The following CDH13 variants were observed in gnomAD, a reference collection of about 807,000 sequenced individuals.
The protein encoded by CDH13 is cadherin-13.
In CDH13, 24 loss-of-function variants were observed where a neutral mutation model predicts 63.8. The ratio of observed to expected loss-of-function variants is 0.38; its 90% confidence interval spans 0.27 to 0.53. The LOEUF (loss-of-function observed/expected upper bound fraction) is 0.53, where lower values mean the gene tolerates loss of function less well. CDH13 is among the 20% of genes least tolerant of loss of function. The pLI is 0.85. For missense variants in CDH13, 1,049 were observed against 903.1 expected (o/e 1.16, Z -2.07); for synonymous variants, 503 against 355.3 (o/e 1.42, Z -4.67).
chr16:83,451,667 A>G (rs1213445257), intron 6 of CDH13, among the ~76,000 whole-genome samples: 1 of 152,096 alleles, frequency 6.6e-6, no homozygotes, highest in Non-Finnish European at 1.5e-5. Context: ...ACTGGTATGC[A>G]CCACCATGTG....
intron 1 of CDH13, among the ~76,000 whole-genome samples, chr16:82,643,835 T>C (rs1371061480): frequency 6.6e-6 from 1 of 151,998 alleles, no homozygotes; most frequent in Non-Finnish European, 1.5e-5. Context: ...CTTGACCACC[T>C]GAGCTCAAGC....
chr16:83,429,120 G>A (rs1418639228), intron 6 of CDH13, among the ~76,000 whole-genome samples: 3 of 152,200 alleles, frequency 2.0e-5, no homozygotes, highest in Non-Finnish European at 4.4e-5. Context: ...CAGTGGGAGA[G>A]GATATTGCAG....
chr16:83,310,619 T>C (rs1482765156), intron 5 of CDH13, among the ~76,000 whole-genome samples: 1 of 152,238 alleles, frequency 6.6e-6, no homozygotes. Flanking sequence ...TTTCTGCCTT[T>C]GCTCACTTGG....
intron 8 of CDH13, among the ~76,000 whole-genome samples, chr16:83,632,976 C>G (rs553105304): frequency 1.3e-5 from 2 of 152,002 alleles, no homozygotes; most frequent in South Asian, 2.1e-4. Context: ...CATTTGTAAA[C>G]TGTCATGGCA....
At chr16:82,874,634 A>G (rs2040446344) in intron 2 of CDH13, among the ~76,000 whole-genome samples, 1 of 152,166 alleles carries the variant, frequency 6.6e-6, no homozygotes, top group African/African-American at 2.4e-5. Context: ...TCCATAGAGG[A>G]AGGGGGGATT....
chr16:82,997,415 G>A (rs536258190), intron 2 of CDH13, among the ~76,000 whole-genome samples: 7 of 152,002 alleles, frequency 4.6e-5, no homozygotes, highest in Admixed American at 2.6e-4. Context: ...AAAGGGATAC[G>A]AAAAATCTCA....
At chr16:82,726,012 A>T in intron 1 of CDH13, among the ~76,000 whole-genome samples, 1 of 152,288 alleles carries the variant, frequency 6.6e-6, no homozygotes, top group East Asian at 1.9e-4. Context: ...CCATTCAAGC[A>T]GTCCGTGATG....
At chr16:83,458,408 A>G (rs1256217279) in intron 6 of CDH13, among the ~76,000 whole-genome samples, 2 of 152,220 alleles carry the variant, frequency 1.3e-5, no homozygotes, top group Admixed American at 6.5e-5. Context: ...CATCATCGCC[A>G]TTAACAACTG....
intron 4 of CDH13, among the ~76,000 whole-genome samples, chr16:83,142,160 G>GTTTTTTT (rs11445521): frequency 9.8e-4 from 118 of 120,316 alleles, no homozygotes; most frequent in East Asian, 4.9e-3. Flanking sequence ...GTTTGTTTTT[G>GTTTTTTT]TTTTTTTTTT....
At chr16:82,759,542 AT>A (rs1312848947) in intron 1 of CDH13, among the ~76,000 whole-genome samples, 1 of 150,288 alleles carries the variant, frequency 6.7e-6, no homozygotes. Flanking sequence ...ACATATATGT[AT>A]ATGTATAATA....
chr16:83,251,227 T>C (rs1422333102), intron 5 of CDH13, among the ~76,000 whole-genome samples: 3 of 152,206 alleles, frequency 2.0e-5, no homozygotes, highest in African/African-American at 7.2e-5. Flanking sequence ...CACTATTTCT[T>C]ACAACTGTGT....
At chr16:83,334,361 T>TCTCTCACACACACACACACACA (rs1272779883) in intron 5 of CDH13, among the ~76,000 whole-genome samples, 3 of 85,594 alleles carry the variant, frequency 3.5e-5, no homozygotes, top group African/African-American at 1.5e-4. Flanking sequence ...TCTCTCTCTC[T>TCTCTCACACACACACACACACA]CACACACACA....
chr16:83,749,131 C>A (rs1426331903), intron 11 of CDH13, among the ~76,000 whole-genome samples: 1 of 152,192 alleles, frequency 6.6e-6, no homozygotes, highest in African/African-American at 2.4e-5. Flanking sequence ...GTTTTGTTCT[C>A]CCTATTATTC....
chr16:83,381,387 A>G (rs1385818666), intron 6 of CDH13, among the ~76,000 whole-genome samples: 1 of 151,668 alleles, frequency 6.6e-6, no homozygotes, highest in Non-Finnish European at 1.5e-5. Flanking sequence ...AGAGTTCCAA[A>G]CCTCTCTGAC....
chr16:83,301,891 T>C (rs1422171772), intron 5 of CDH13, among the ~76,000 whole-genome samples: 1 of 152,108 alleles, frequency 6.6e-6, no homozygotes, highest in Non-Finnish European at 1.5e-5. Flanking sequence ...CTCTGGTTCT[T>C]GTTTTCTGGC....
intron 7 of CDH13, among the ~76,000 whole-genome samples, chr16:83,491,568 G>GTT (rs57321427): frequency 7.0e-5 from 10 of 143,204 alleles, no homozygotes; most frequent in African/African-American, 7.7e-5. Flanking sequence ...AATGGTCAGG[G>GTT]TTTTTTTTTT....
At position 83,659,450 on chromosome 16, in the gene CDH13, C is replaced by T. The variant is rs556953665; in HGVS notation, c.1102-11340C>T. On this transcript the variant is annotated intron_variant, in intron 8 of 13. Coordinates refer to ENST00000567109, the MANE Select transcript of CDH13 (RefSeq NM_001257.5). ...GGTCCCAACACAAGTTAGAATGTGCCATCAGGTTTCTTTTATCATTTGATC... is the reference window on the plus strand; with the variant it reads ...GGTCCCAACACAAGTTAGAATGTGCTATCAGGTTTCTTTTATCATTTGATC... Among the ~76,000 whole-genome samples the T allele has an allele frequency of 8.5e-5, 13 of 152,392 alleles. No individual in the cohort carries two copies. In the South Asian group the frequency reaches 2.5e-3, roughly 29 times the overall value.
At chr16:83,064,447 T>G (rs1311704363) in intron 3 of CDH13, among the ~76,000 whole-genome samples, 2 of 152,150 alleles carry the variant, frequency 1.3e-5, no homozygotes, top group East Asian at 3.9e-4. Flanking sequence ...AGAAATGTAA[T>G]GTGAGCCAGA....
intron 7 of CDH13, among the ~76,000 whole-genome samples, chr16:83,549,977 A>G (rs1306846411): frequency 1.3e-5 from 2 of 152,194 alleles, no homozygotes; most frequent in Non-Finnish European, 2.9e-5. Flanking sequence ...TCGTTCATAT[A>G]GAAAGGAGAC....
Sources: gnomAD v4.1 joint callset for allele counts (sites outside exome capture counted in the v4.1 genomes callset) on GRCh38, gnomAD v4.1.1 for gene constraint, MANE v1.5 for transcripts, NCBI Gene and HGNC (gene_info 2026-07-23, HGNC 2026-07-21) for gene names.